The following PRRC2B variants were observed in gnomAD, a reference collection of about 807,000 sequenced individuals.
PRRC2B encodes the protein protein PRRC2B.
PRRC2B carries 68 observed loss-of-function variants against 242.3 expected under a neutral mutation model. The ratio of observed to expected loss-of-function variants is 0.28; its 90% confidence interval spans 0.23 to 0.34. The LOEUF is 0.34. PRRC2B is among the 10% of genes least tolerant of loss of function. The pLI is 1.00. For synonymous variants in PRRC2B, 1,228 were observed against 1,173.6 expected (o/e 1.05, Z -0.95); for missense variants, 2,835 against 2,954.8 (o/e 0.96, Z 0.94).
chr9:131,411,077 G>GA (rs1397936843), intron 1 of PRRC2B, among the ~76,000 whole-genome samples: 1 of 151,974 alleles, frequency 6.6e-6, no homozygotes, highest in East Asian at 2.0e-4. Context: ...CCAACATGGT[G>GA]AAACCCCATC....
At chr9:131,471,528 C>T (rs1357578434) in intron 14 of PRRC2B, among the ~76,000 whole-genome samples, 1 of 152,140 alleles carries the variant, frequency 6.6e-6, no homozygotes, top group Admixed American at 6.5e-5. Flanking sequence ...GTGATACAGA[C>T]CAGGGGTCAG....
chr9:131,451,398 C>CAA (rs150870383), intron 9 of PRRC2B, among the ~76,000 whole-genome samples: 15 of 147,334 alleles, frequency 1.0e-4, no homozygotes, highest in Non-Finnish European at 1.5e-4. Flanking sequence ...GACTCCATCT[C>CAA]AAAAAAAAAA....
At chr9:131,445,302 A>G (rs1256197189) in intron 6 of PRRC2B, among the ~76,000 whole-genome samples, 3 of 152,156 alleles carry the variant, frequency 2.0e-5, no homozygotes, top group Non-Finnish European at 2.9e-5. Flanking sequence ...CTGGGATTAC[A>G]GGCATGTGCC....
intron 1 of PRRC2B, among the ~76,000 whole-genome samples, chr9:131,419,548 G>C (rs1027310504): frequency 6.6e-5 from 10 of 152,198 alleles, no homozygotes; most frequent in Non-Finnish European, 1.5e-4. Context: ...GCTGATAATT[G>C]GGTGGGCTGG....
chr9:131,486,197 C>T lies in PRRC2B; in HGVS notation c.5856+15C>T. On this transcript the variant is annotated intron_variant, in intron 26 of 31. Transcript: ENST00000683519. ...GTTACCAACAGGTGACAGCAGCTAG[C>T]CAGGTGGCCTGGCTGGGGGTGGTGG... The T allele has an allele frequency of 6.4e-7, 1 of 1,568,618 alleles. No individual in the cohort carries two copies. The highest frequency in any genetic ancestry group is 2.3e-5 in the East Asian group (1 of 44,264).
At chr9:131,443,763 G>T (rs1838692503) in intron 5 of PRRC2B, among the ~76,000 whole-genome samples, 2 of 152,156 alleles carry the variant, frequency 1.3e-5, no homozygotes, top group Non-Finnish European at 2.9e-5. Context: ...GGGGTGGACT[G>T]GGGCAGGGAT....
At chr9:131,395,728 A>G (rs763612907) in intron 1 of PRRC2B, among the ~76,000 whole-genome samples, 1 of 152,182 alleles carries the variant, frequency 6.6e-6, no homozygotes, top group Non-Finnish European at 1.5e-5. Flanking sequence ...CATGGACAAT[A>G]CAGAAGGAAT....
At chr9:131,477,690 G>A in intron 16 of PRRC2B, 54 bp from the exon 17 acceptor site, 12 of 1,090,910 alleles carry the variant, frequency 1.1e-5, no homozygotes, top group Non-Finnish European at 1.4e-5. Flanking sequence ...GTGCACGTGC[G>A]GTGTTTTCCC....
intron 1 of PRRC2B, among the ~76,000 whole-genome samples, chr9:131,378,309 C>CA (rs761589088): frequency 0.021 from 1,230 of 58,076 alleles, 27 homozygotes; most frequent in African/African-American, 0.063. Flanking sequence ...AACTCTGTCT[C>CA]AAAAAAAAAA....
chr9:131,494,795 G>T lies in PRRC2B; in HGVS notation c.6555+309G>T, dbSNP rs917062074. On this transcript the variant is annotated intron_variant, in intron 31 of 31. Transcript: ENST00000683519. The surrounding 1 kb of genome is among the most constrained non-coding windows in gnomAD (Gnocchi z 4.3). ...GGGGCTGAGGCGCCCTGGGAGACTC[G>T]GTTAGGTTTGGGGGTCGGCTTTAGG... Among the ~76,000 whole-genome samples, 1 of 152,156 alleles carries T rather than the reference G, an allele frequency of 6.6e-6. No individual in the cohort carries two copies. Among genetic ancestry groups the T allele is most frequent in the Non-Finnish European group, 1.5e-5 (1 of 68,024 alleles).
chr9:131,474,823 C>T lies in PRRC2B; in HGVS notation c.2694C>T (p.Asn898=). ...RETPREGTAF[N]ISSWDKNGSP... is the part of the protein sequence containing the mutation. ...CACCCCGGGAGGGGACGGCCTTTAACATCTCCTCCTGGGACAAGAACGGGA... is the reference window on the plus strand; with the variant it reads ...CACCCCGGGAGGGGACGGCCTTTAATATCTCCTCCTGGGACAAGAACGGGA... Residue 898 remains asparagine, a synonymous_variant, in exon 16 of 32, where the codon AAC becomes AAT. Coordinates refer to ENST00000683519, the MANE Select transcript of PRRC2B (RefSeq NM_013318.4). 6.2e-7 allele frequency: 1 copy of T among 1,612,004 alleles called. No individual in the cohort carries two copies. The highest frequency in any genetic ancestry group is 8.5e-7 in the Non-Finnish European group (1 of 1,179,562).
At chr9:131,431,927 A>G (rs910732700) in intron 2 of PRRC2B, among the ~76,000 whole-genome samples, 4 of 151,534 alleles carry the variant, frequency 2.6e-5, no homozygotes, top group African/African-American at 9.7e-5. Context: ...AAATTTATTT[A>G]TTTATTTAGA....
intron 2 of PRRC2B, among the ~76,000 whole-genome samples, chr9:131,430,488 G>C (rs146746196): frequency 0.025 from 3,298 of 133,164 alleles, 141 homozygotes; most frequent in African/African-American, 0.093. Context: ...ATTGAAGCTG[G>C]GGAGATATAT....
rs897462352 is a variant in PRRC2B, at chr9:131,498,274, A to G, written c.*2400A>G. 2 of 152,090 alleles carry G rather than the reference A, an allele frequency of 1.3e-5. No individual in the cohort carries two copies. The highest frequency in any genetic ancestry group is 2.4e-5 in the African/African-American group (1 of 41,392). 9.4% of individuals were successfully genotyped at this position (152,090 alleles called of 1,614,324 possible). On this transcript the variant is annotated 3_prime_UTR_variant, in exon 32 of 32. Coordinates refer to ENST00000683519, the MANE Select transcript of PRRC2B (RefSeq NM_013318.4). ...GTATTGATGTTGTAGGTCTAGGTGA[A>G]AAAAAAAGAAGTAAATGTTTCACTG...
In PRRC2B at chr9:131,491,527, C is replaced by T; in HGVS notation, c.6328C>T (p.Arg2110Ter). ...GCAGAGCCTCTCCGTTGGGGCCCCC[C>T]GAAGGATTCCTCCGCCCGGGTCCCA... Reference protein sequence around the residue: ...PGQSLSVGAPRRIPPPGSQPP... With the variant: ...PGQSLSVGAP Residue 2110 changes from arginine to a stop codon, truncating the protein, a stop_gained, in exon 29 of 32, where the codon CGA becomes TGA. Transcript: ENST00000683519. LOFTEE classifies it high-confidence loss of function. The T allele has an allele frequency of 6.2e-7, 1 of 1,612,188 alleles. No individual in the cohort carries two copies. Among genetic ancestry groups the T allele is most frequent in the Non-Finnish European group, 8.5e-7 (1 of 1,179,510 alleles).
intron 28 of PRRC2B, chr9:131,490,879 C>T (rs555598588): frequency 8.5e-5 from 27 of 318,506 alleles, no homozygotes; most frequent in Non-Finnish European, 1.6e-4. Flanking sequence ...TTTCCTCACT[C>T]GTCCTCTCCT....
At chr9:131,430,561 A>ATGTGTGTGTGTGTGTGTGTGTGTG (rs200517031) in intron 2 of PRRC2B, among the ~76,000 whole-genome samples, 1 of 118,718 alleles carries the variant, frequency 8.4e-6, no homozygotes, top group African/African-American at 3.2e-5. Flanking sequence ...GTGTGTGTGT[A>ATGTGTGTGTGTGTGTGTGTGTGTG]TGTGTGTGTG....
chr9:131,386,326 C>T (rs1836825583), intron 1 of PRRC2B, among the ~76,000 whole-genome samples: 1 of 150,158 alleles, frequency 6.7e-6, no homozygotes, highest in Non-Finnish European at 1.5e-5. Context: ...GTTGCCTATG[C>T]TGCTGGTCTT....
intron 1 of PRRC2B, among the ~76,000 whole-genome samples, chr9:131,415,169 T>A (rs1837614520): frequency 6.6e-6 from 1 of 151,682 alleles, no homozygotes; most frequent in South Asian, 2.1e-4. Flanking sequence ...AATTTTTGTA[T>A]TTTTAGTAGA....
Sources: gnomAD v4.1 joint callset for allele counts (sites outside exome capture counted in the v4.1 genomes callset) on GRCh38, gnomAD v4.1.1 for gene constraint, Gnocchi (gnomAD v3.1) non-coding constraint, MANE v1.5 for transcripts, NCBI Gene and HGNC (gene_info 2026-07-23, HGNC 2026-07-21) for gene names.